Variants in PTPN20 observed in about 807,000 individuals in gnomAD.
PTPN20 encodes the protein protein tyrosine phosphatase non-receptor type 20.
A neutral mutation model predicts 35.0 loss-of-function variants in PTPN20; 9 were observed. The observed-to-expected ratio is 0.26, with a 90% CI of 0.15 to 0.45. The LOEUF is 0.45. PTPN20 is among the 20% of genes least tolerant of loss of function. The pLI is 1.00. For synonymous variants in PTPN20, 32 were observed against 100.2 expected, an observed-to-expected ratio of 0.32 and a Z score of 4.06; for missense variants, 111 against 312.5, an observed-to-expected ratio of 0.36 and a Z score of 4.86.
At chr10:46,976,398 C>CT (rs1198403320) in intron 7 of PTPN20, among the ~76,000 whole-genome samples, 38,190 of 69,878 alleles carry the variant, frequency 0.55, 9,708 homozygotes, top group Non-Finnish European at 0.64. Context: ...TCAAGCTCTA[C>CT]TTTTTTTTTT....
chr10:46,977,521 G>A (rs1246104682), intron 7 of PTPN20, among the ~76,000 whole-genome samples: 1 of 151,538 alleles, frequency 6.6e-6, no homozygotes, highest in Non-Finnish European at 1.5e-5. Context: ...ATAGTGTAAT[G>A]TGACAGTAGA....
chr10:46,938,160 A>G (rs1244949938), intron 2 of PTPN20, among the ~76,000 whole-genome samples: 1 of 150,464 alleles, frequency 6.6e-6, no homozygotes, highest in Non-Finnish European at 1.5e-5. Context: ...CATGTTTGTC[A>G]GGCTGATCTC....
chr10:46,919,592 A>AGTGT (rs1315741472), intron 1 of PTPN20, among the ~76,000 whole-genome samples: 1 of 72,960 alleles, frequency 1.4e-5, no homozygotes, highest in African/African-American at 6.7e-5. Flanking sequence ...ACCTTACAAC[A>AGTGT]GTGTGCTTCC....
chr10:46,952,790 A>G (rs1555147665), intron 5 of PTPN20, among the ~76,000 whole-genome samples: 1 of 151,930 alleles, frequency 6.6e-6, no homozygotes, highest in Non-Finnish European at 1.5e-5. Flanking sequence ...TTGCAGACGT[A>G]TTCCTCGTTA....
In PTPN20 at chr10:46,911,501, GGT is replaced by G. The variant is rs2031899518; in HGVS notation, c.-124+2_-124+3del. The stretch of plus-strand genomic sequence containing the variant: ...CAGTTGGGGCGGCCCCGCAGGCCCA[GGT>G]GAGGAAAGGTGGCTGGGGGCCAGGT... On this transcript the variant is annotated splice_donor_variant, in intron 1 of 10. Transcript: ENST00000374339. LOFTEE classifies it low-confidence loss of function (5UTR_SPLICE). 5.3e-6 allele frequency: 1 copy of G among 188,458 alleles called. No individual in the cohort carries two copies. The highest frequency in any genetic ancestry group is 1.1e-5 in the Non-Finnish European group (1 of 94,948). 11.7% of individuals were successfully genotyped at this position (188,458 alleles called of 1,614,324 possible).
intron 1 of PTPN20, among the ~76,000 whole-genome samples, chr10:46,919,245 C>A (rs2034274322): frequency 6.6e-6 from 1 of 152,214 alleles, no homozygotes; most frequent in Admixed American, 6.5e-5. Context: ...CAATCCCTGA[C>A]TTTTAATTTG....
chr10:46,999,880 G>T (rs377102794), intron 9 of PTPN20, 32 bp from the exon 10 acceptor site: 2 of 1,612,552 alleles, frequency 1.2e-6, no homozygotes, highest in Non-Finnish European at 1.7e-6. Context: ...CCCCCATGTG[G>T]ATCATACAAA....
At chr10:46,959,164 G>T in intron 5 of PTPN20, among the ~76,000 whole-genome samples, 1 of 127,044 alleles carries the variant, frequency 7.9e-6, no homozygotes, top group African/African-American at 3.0e-5. Context: ...GTCAATTTTT[G>T]CTTTGTGTAT....
chr10:46,988,918 G>A (rs1410437252), intron 9 of PTPN20, among the ~76,000 whole-genome samples: 2 of 146,550 alleles, frequency 1.4e-5, no homozygotes, highest in East Asian at 2.0e-4. Context: ...TGTTATTGGA[G>A]TCTAGAAATA....
At chr10:46,925,598 GT>G (rs2037010594) in intron 1 of PTPN20, among the ~76,000 whole-genome samples, 1 of 146,386 alleles carries the variant, frequency 6.8e-6, no homozygotes, top group Non-Finnish European at 1.5e-5. Flanking sequence ...TAGAAGGTTG[GT>G]TTTCTCTTCT....
At chr10:46,954,898 C>T (rs1321245638) in intron 5 of PTPN20, among the ~76,000 whole-genome samples, 72 of 151,542 alleles carry the variant, frequency 4.8e-4, no homozygotes, top group Admixed American at 3.0e-3. Context: ...CAAATTCAAC[C>T]AACTATGGAT....
chr10:46,975,809 G>A (rs1179894106), intron 7 of PTPN20, among the ~76,000 whole-genome samples: 342 of 151,818 alleles, frequency 2.3e-3, no homozygotes, highest in African/African-American at 8.0e-3. Context: ...TTACAGGCAT[G>A]TGCCACCACA....
intron 9 of PTPN20, among the ~76,000 whole-genome samples, chr10:46,999,485 A>G (rs2059725311): frequency 6.6e-6 from 1 of 152,152 alleles, no homozygotes; most frequent in Non-Finnish European, 1.5e-5. Flanking sequence ...GTGTCCACAC[A>G]CAGTCTGGAA....
chr10:46,934,156 AT>A (rs1320762862), intron 2 of PTPN20, among the ~76,000 whole-genome samples: 1 of 95,850 alleles, frequency 1.0e-5, no homozygotes, highest in Non-Finnish European at 2.0e-5. Flanking sequence ...CCTAGGTATT[AT>A]TTTTTGTAGT....
intron 2 of PTPN20, among the ~76,000 whole-genome samples, chr10:46,933,143 G>GCT (rs2040296943): frequency 1.8e-5 from 2 of 113,858 alleles, no homozygotes; most frequent in Admixed American, 1.9e-4. Context: ...CATTATTATT[G>GCT]CTCTCTCCCT....
intron 9 of PTPN20, 135 bp from the exon 10 acceptor site, chr10:46,999,777 T>C (rs946131991): frequency 4.7e-6 from 5 of 1,064,372 alleles, no homozygotes; most frequent in Non-Finnish European, 7.1e-6. Flanking sequence ...AAGTTAAAAA[T>C]AGCACATTTT....
At chr10:46,935,961 T>C (rs2041480565) in intron 2 of PTPN20, among the ~76,000 whole-genome samples, 1 of 151,048 alleles carries the variant, frequency 6.6e-6, no homozygotes, top group African/African-American at 2.4e-5. Context: ...ACAAACATTT[T>C]TTTTTTAATT....
At chr10:46,919,470 A>G (rs1221555226) in intron 1 of PTPN20, among the ~76,000 whole-genome samples, 1 of 131,954 alleles carries the variant, frequency 7.6e-6, no homozygotes, top group African/African-American at 3.0e-5. Flanking sequence ...TTTCTCCTCC[A>G]TGCTTCTTCT....
chr10:46,996,826 A>G (rs956991765), intron 9 of PTPN20, among the ~76,000 whole-genome samples: 48,174 of 152,000 alleles, frequency 0.32, 8,053 homozygotes, highest in South Asian at 0.48. Context: ...ATTCTGTTCT[A>G]TTGATTAGTG....
Sources: gnomAD v4.1 joint callset for allele counts (sites outside exome capture counted in the v4.1 genomes callset) on GRCh38, gnomAD v4.1.1 for gene constraint, MANE v1.5 for transcripts, NCBI Gene and HGNC (gene_info 2026-07-23, HGNC 2026-07-21) for gene names.